RANBP10: variants seen among roughly 807,000 people sequenced by gnomAD.
The protein encoded by RANBP10 is ran-binding protein 10.
Under a neutral mutation model 72.8 loss-of-function variants are expected in RANBP10, and 24 were observed. The observed-to-expected ratio is 0.33, with a 90% CI of 0.24 to 0.46. The LOEUF is 0.46. Ranked by LOEUF, RANBP10 falls within the 20% of genes least tolerant of loss-of-function variation. The probability of loss-of-function intolerance (pLI) is 1.00; values close to 1 mark genes in which losing one functional copy is unlikely to be tolerated. For synonymous variants in RANBP10, 310 were observed against 322.3 expected (o/e 0.96, Z 0.41); for missense variants, 679 against 817.5 (o/e 0.83, Z 2.07).
intron 3 of RANBP10, among the ~76,000 whole-genome samples, chr16:67,771,526 G>A (rs1453972074): frequency 6.6e-6 from 1 of 151,998 alleles, no homozygotes; most frequent in Non-Finnish European, 1.5e-5. Flanking sequence ...TTTATTTTTA[G>A]TAGAGACAGG....
At chr16:67,750,186 T>C (rs2054167727) in intron 3 of RANBP10, among the ~76,000 whole-genome samples, 1 of 152,150 alleles carries the variant, frequency 6.6e-6, no homozygotes, top group South Asian at 2.1e-4. Context: ...GTCCACTGCT[T>C]ATGTGGCCAT....
chr16:67,753,328 A>C (rs1021895288), intron 3 of RANBP10, among the ~76,000 whole-genome samples: 1 of 152,116 alleles, frequency 6.6e-6, no homozygotes, highest in African/African-American at 2.4e-5. Context: ...CAACATGGTG[A>C]CACCCCACCT....
intron 3 of RANBP10, among the ~76,000 whole-genome samples, chr16:67,757,079 G>A (rs574031837): frequency 3.9e-5 from 6 of 152,020 alleles, no homozygotes; most frequent in East Asian, 1.9e-4. Context: ...GTGGTGGCGC[G>A]TGCCTGTAAT....
At position 67,729,757 on chromosome 16, in the gene RANBP10, T is replaced by G. The variant is rs1379326621; in HGVS notation, c.1070A>C (p.Lys357Thr). Residue 357 changes from lysine to threonine, a missense_variant, in exon 9 of 14, where the codon AAG (lysine) becomes ACG (threonine). Physicochemically the swap from Lys to Thr is moderately conservative, Grantham distance 78. Transcript: ENST00000317506. This position sits in a 1 kb window ranked among gnomAD's most constrained non-coding sequence, Gnocchi z 7.1. The part of the protein sequence containing the change: ...EVRSLSSRSP[K>T]SQDSYPGSPS... ...GGAGCCAGGGTAGCTGTCCTGGGAC[T>G]TGGGGCTTCGGGAGCTCAAACTTCG... 6.2e-7 allele frequency: 1 copy of G among 1,614,148 alleles called. No homozygotes were observed. Among genetic ancestry groups the G allele is most frequent in the Non-Finnish European group, 8.5e-7 (1 of 1,180,028 alleles).
chr16:67,788,256 AT>A (rs1296030447), intron 2 of RANBP10, among the ~76,000 whole-genome samples: 5 of 150,438 alleles, frequency 3.3e-5, no homozygotes, highest in Non-Finnish European at 5.9e-5. Context: ...GCCTCTACAA[AT>A]TTTTTTTTCT....
intron 3 of RANBP10, among the ~76,000 whole-genome samples, chr16:67,768,031 C>T (rs555721361): frequency 6.6e-6 from 1 of 151,216 alleles, no homozygotes; most frequent in East Asian, 2.0e-4. Flanking sequence ...TGTCACTGAA[C>T]CCCAGCCTGG....
At position 67,772,077 on chromosome 16, in the gene RANBP10, T is replaced by G; in HGVS notation, c.357A>C (p.Gly119=). The G allele has an allele frequency of 1.9e-6, 3 of 1,562,350 alleles. No homozygotes were observed. Among genetic ancestry groups the G allele is most frequent in the Non-Finnish European group, 2.6e-6 (3 of 1,147,512 alleles). Residue 119 remains glycine (G), a synonymous_variant, in exon 3 of 14, where the codon GGA becomes GGC. Transcript: ENST00000317506. ...IVSKGRDGYM[G]IGLSAQGVNM... is the part of the protein sequence containing the mutation. The stretch of plus-strand genomic sequence containing the variant: ...TGACGCCTTGAGCCGAGAGTCCTAT[T>G]CCCATGTAACTTCAAAAAAAAAAAA...
intron 13 of RANBP10, 39 bp from the exon 14 acceptor site, chr16:67,726,597 A>G (rs754497203): frequency 6.5e-7 from 1 of 1,529,244 alleles, no homozygotes; most frequent in South Asian, 1.2e-5. Flanking sequence ...TGGCCTGCCC[A>G]GGGCTTGGGC....
chr16:67,746,262 A>C (rs1438964332), intron 3 of RANBP10, among the ~76,000 whole-genome samples: 2 of 152,088 alleles, frequency 1.3e-5, no homozygotes, highest in Non-Finnish European at 2.9e-5. Context: ...CGAGCGGATC[A>C]TGAGGTCAGG....
intron 3 of RANBP10, among the ~76,000 whole-genome samples, chr16:67,752,529 C>G (rs2054215771): frequency 6.6e-6 from 1 of 152,120 alleles, no homozygotes; most frequent in South Asian, 2.1e-4. Context: ...AAATCTGAAC[C>G]TATTCTGGTA....
At position 67,802,081 on chromosome 16, in the gene RANBP10, C is replaced by G. The variant is rs1346088494; in HGVS notation, c.347+3347G>C. ...TTGCACTCCAGCCTGAGCAACAGAG[C>G]GAGACCCTGCCTCAAAAAAAAAAAA... On this transcript the variant is annotated intron_variant, in intron 2 of 13. Transcript: ENST00000317506. Among the ~76,000 whole-genome samples the G allele has an allele frequency of 2.1e-5, 3 of 143,012 alleles. No homozygotes were observed. In the Admixed American group the frequency reaches 2.1e-4, roughly 10 times the overall value. 93.8% of individuals were successfully genotyped at this position (143,012 alleles called of 152,430 possible).
In RANBP10 at chr16:67,727,817, C is replaced by T; in HGVS notation, c.1554G>A (p.Leu518=). 1 of 1,614,212 alleles carries T rather than the reference C, an allele frequency of 6.2e-7. No homozygotes were observed. Among genetic ancestry groups the T allele is most frequent in the South Asian group, 1.1e-5 (1 of 91,088 alleles). ...TERIILFGRE[L]QALSEQLGRE... ...GGCCCAACTGCTCACTCAATGCCTG[C>T]AACTCGCGGCCAAACAGAATGATCC... Residue 518 remains leucine, a synonymous_variant, in exon 12 of 14, where the codon TTG becomes TTA. Transcript: ENST00000317506.
At chr16:67,764,083 C>A (rs1381595264) in intron 3 of RANBP10, among the ~76,000 whole-genome samples, 1 of 152,164 alleles carries the variant, frequency 6.6e-6, no homozygotes, top group East Asian at 1.9e-4. Context: ...CAGGGAGATG[C>A]AGATTATCCT....
At chr16:67,755,444 G>A (rs1365788501) in intron 3 of RANBP10, among the ~76,000 whole-genome samples, 2 of 152,114 alleles carry the variant, frequency 1.3e-5, no homozygotes, top group Non-Finnish European at 2.9e-5. Context: ...AGCACTTTGG[G>A]AGGCCGAGGT....
intron 2 of RANBP10, among the ~76,000 whole-genome samples, chr16:67,772,572 G>A (rs542393275): frequency 2.0e-5 from 3 of 152,252 alleles, no homozygotes; most frequent in Admixed American, 1.3e-4. Context: ...GCTCAAACGA[G>A]CTTGTTCTCT....
intron 2 of RANBP10, among the ~76,000 whole-genome samples, chr16:67,798,335 T>G (rs117443977): frequency 0.011 from 1,697 of 152,244 alleles, 19 homozygotes; most frequent in Non-Finnish European, 0.017. Context: ...GTACAATGCA[T>G]GTAGACTGGA....
In RANBP10 at chr16:67,783,936, C is replaced by T. The variant is rs549597115; in HGVS notation, c.348-11850G>A. Among the ~76,000 whole-genome samples the T allele has an allele frequency of 9.3e-5, 14 of 150,146 alleles. No individual in the cohort carries two copies. The South Asian group carries it at 2.1e-3, about 23-fold the overall frequency. On this transcript the variant is annotated intron_variant, in intron 2 of 13. Transcript: ENST00000317506. The stretch of plus-strand genomic sequence containing the variant: ...ACGGGTGTCTATAATCCCAGCTACT[C>T]GGGAGACTGAGGCAGAGAAGTGTTT...
At chr16:67,782,428 ATTATT>A (rs2054830048) in intron 2 of RANBP10, among the ~76,000 whole-genome samples, 2 of 151,786 alleles carry the variant, frequency 1.3e-5, no homozygotes, top group South Asian at 2.1e-4. Flanking sequence ...TACCCAGCCA[ATTATT>A]TTATTTTATA....
At chr16:67,726,771 G>A (rs1353170547) in intron 13 of RANBP10, among the ~76,000 whole-genome samples, 1 of 152,240 alleles carries the variant, frequency 6.6e-6, no homozygotes, top group Non-Finnish European at 1.5e-5. Context: ...GCGCTGGGCT[G>A]GCCTGGGCCT....
Sources: gnomAD v4.1 joint callset for allele counts (sites outside exome capture counted in the v4.1 genomes callset) on GRCh38, gnomAD v4.1.1 for gene constraint, Gnocchi (gnomAD v3.1) non-coding constraint, MANE v1.5 for transcripts, NCBI Gene and HGNC (gene_info 2026-07-23, HGNC 2026-07-21) for gene names.